The following ASAH1 variants were observed in gnomAD, a reference collection of about 807,000 sequenced individuals.
ASAH1 encodes acid ceramidase.
A neutral mutation model predicts 59.5 loss-of-function variants in ASAH1; 70 were observed. That is an observed-to-expected ratio of 1.18 (90% confidence interval 0.97 to 1.43). The LOEUF is 1.43. ASAH1 is among the 40% of genes most tolerant of loss of function. The pLI, the probability that ASAH1 is intolerant of heterozygous loss-of-function variation, is 0.00. For missense variants in ASAH1, 660 were observed against 482.5 expected, an observed-to-expected ratio of 1.37 and a Z score of -3.45; for synonymous variants, 213 against 166.5, an observed-to-expected ratio of 1.28 and a Z score of -2.15.
At chr8:18,084,371 G>GGAGCC (rs1249278144), upstream of ASAH1, 30 of 1,404,288 alleles carry the variant, frequency 2.1e-5, no homozygotes, top group African/African-American at 4.2e-4. Context: ...GGACCGAGCC[G>GGAGCC]GAGCCCCGCC....
intron 6 of ASAH1, 105 bp from the exon 7 acceptor site, chr8:18,063,335 G>C (rs903643837): frequency 2.7e-6 from 3 of 1,122,278 alleles, no homozygotes; most frequent in Middle Eastern, 2.0e-4. Flanking sequence ...ACAGAGTCTC[G>C]TTCTGTTGGC....
chr8:18,066,931 T>A (rs1426591451), intron 5 of ASAH1: 4 of 373,742 alleles, frequency 1.1e-5, no homozygotes, highest in Non-Finnish European at 1.9e-5. Context: ...GAGGCAAAAC[T>A]AATCTATAGT....
chr8:18,062,181 A>T, intron 8 of ASAH1, 98 bp downstream of exon 8: 1 of 1,527,306 alleles, frequency 6.5e-7, no homozygotes, highest in Admixed American at 1.7e-5. Context: ...GGGGCTTCAT[A>T]TTCCCTTTAG....
intron 9 of ASAH1, 74 bp downstream of exon 9, chr8:18,061,612 C>A: frequency 6.6e-7 from 1 of 1,513,096 alleles, no homozygotes; most frequent in Non-Finnish European, 9.1e-7. Context: ...GACTTTGTAA[C>A]CAGAAGGCAC....
At position 18,057,447 on chromosome 8, in the gene ASAH1, TGGAAG is replaced by T; in HGVS notation, c.*82_*86del. On this transcript the variant is annotated 3_prime_UTR_variant, in exon 14 of 14. Coordinates refer to ENST00000637790, the MANE Select transcript of ASAH1 (RefSeq NM_177924.5). ...AGAACCTGCCGCGAGTCTTAGTCTT[TGGAAG>T]GTCAGACAGCTGCAGTGTTCGGTCA... 9.4e-7 allele frequency: 1 copy of T among 1,062,298 alleles called. No homozygotes were observed. The highest frequency in any genetic ancestry group is 1.4e-6 in the Non-Finnish European group (1 of 704,794). 65.8% of individuals were successfully genotyped at this position (1,062,298 alleles called of 1,614,324 possible). A position where few individuals can be genotyped will look rare whatever the true frequency, so the allele number is the denominator to read the frequency against.
intron 1 of ASAH1, among the ~76,000 whole-genome samples, chr8:18,077,178 T>C (rs559232574): frequency 6.6e-6 from 1 of 152,278 alleles, no homozygotes; most frequent in South Asian, 2.1e-4. Context: ...ATGATGACGG[T>C]TATATCCACA....
intron 3 of ASAH1, among the ~76,000 whole-genome samples, chr8:18,070,590 G>A (rs371190155): frequency 2.6e-5 from 4 of 152,152 alleles, no homozygotes; most frequent in Non-Finnish European, 4.4e-5. Context: ...GCCTGGCCTC[G>A]ATTAATACAT....
At chr8:18,078,573 TC>T (rs1800512095) in intron 1 of ASAH1, among the ~76,000 whole-genome samples, 3 of 151,530 alleles carry the variant, frequency 2.0e-5, no homozygotes, top group Admixed American at 2.0e-4. Flanking sequence ...AGCTACTTCC[TC>T]CCCCTCAAAA....
chr8:18,058,945 C>A, intron 12 of ASAH1, 54 bp from the exon 13 acceptor site: 1 of 1,490,158 alleles, frequency 6.7e-7, no homozygotes, highest in South Asian at 1.1e-5. Flanking sequence ...AAGCCAACAG[C>A]CTTATCTACA....
chr8:18,073,680 C>A (rs961339138), intron 2 of ASAH1, among the ~76,000 whole-genome samples: 8 of 152,152 alleles, frequency 5.3e-5, no homozygotes, highest in Admixed American at 2.6e-4. Context: ...CATATCTGCC[C>A]ATGGATGCTG....
chr8:18,064,140 C>T (rs1307503355), intron 6 of ASAH1: 3 of 506,746 alleles, frequency 5.9e-6, no homozygotes, highest in African/African-American at 2.0e-5. Context: ...TAAGGAAGCA[C>T]CTCCTGCGAG....
chr8:18,081,208 C>T (rs1227668025), intron 1 of ASAH1, among the ~76,000 whole-genome samples: 1 of 152,200 alleles, frequency 6.6e-6, no homozygotes, highest in Admixed American at 6.5e-5. Flanking sequence ...GCAGGTCACG[C>T]TGACACCTCA....
chr8:18,075,324 G>C (rs1044635395), intron 2 of ASAH1, among the ~76,000 whole-genome samples: 1 of 152,160 alleles, frequency 6.6e-6, no homozygotes, highest in Non-Finnish European at 1.5e-5. Context: ...GATTTTGATA[G>C]TCTAGCGACG....
intron 8 of ASAH1, chr8:18,062,044 AG>A: frequency 1.6e-6 from 1 of 633,842 alleles, no homozygotes; most frequent in Non-Finnish European, 2.7e-6. Context: ...TGTGACTCCC[AG>A]CCCTTGACAC....
chr8:18,084,444 G>A (rs756190990), upstream of ASAH1: 82 of 1,356,152 alleles, frequency 6.0e-5, no homozygotes, highest in Non-Finnish European at 7.9e-5. Context: ...GCAGGCGGGT[G>A]CAGCCTGTCC....
At chr8:18,068,540 A>C (rs1309762993) in intron 4 of ASAH1, 1 of 152,232 alleles carries the variant, frequency 6.6e-6, no homozygotes, top group Non-Finnish European at 1.5e-5. Context: ...ATGTGGCCAC[A>C]GCACTCAGCC....
At chr8:18,078,104 C>T (rs763332717) in intron 1 of ASAH1, among the ~76,000 whole-genome samples, 4 of 152,050 alleles carry the variant, frequency 2.6e-5, no homozygotes, top group Non-Finnish European at 5.9e-5. Context: ...ATAATCTGCG[C>T]GTAGTTCAGG....
chr8:18,075,694 G>A (rs1350109108), intron 1 of ASAH1, 107 bp from the exon 2 acceptor site: 9 of 1,011,566 alleles, frequency 8.9e-6, no homozygotes, highest in Non-Finnish European at 1.2e-5. Flanking sequence ...GTCTGATATT[G>A]CTCTTTTATA....
intron 2 of ASAH1, 86 bp from the exon 3 acceptor site, chr8:18,071,476 G>A: frequency 1.1e-6 from 1 of 940,834 alleles, no homozygotes; most frequent in Non-Finnish European, 1.6e-6. Context: ...TATATGAGAG[G>A]CAAAGTCTTA....
Sources: allele counts gnomAD v4.1 joint callset (sites outside exome capture counted in the v4.1 genomes callset), GRCh38; gene constraint gnomAD v4.1.1; transcripts MANE v1.5; gene names NCBI Gene and HGNC (gene_info 2026-07-23, HGNC 2026-07-21).